The following DST variants were observed in gnomAD, a reference collection of about 807,000 sequenced individuals.
DST encodes dystonin.
A neutral mutation model predicts 875.2 loss-of-function variants in DST; 253 were observed. That is an observed-to-expected ratio of 0.29 (90% CI 0.26 to 0.32). DST has a LOEUF of 0.32. DST is among the 10% of genes least tolerant of loss of function. The pLI is 1.00. For missense variants in DST, 8,287 were observed against 9,111.6 expected (o/e 0.91, Z 3.68); for synonymous variants, 3,124 against 3,197.1 (o/e 0.98, Z 0.77).
chr6:56,721,160 T>C (rs2099414679), intron 5 of DST, among the ~76,000 whole-genome samples: 1 of 138,280 alleles, frequency 7.2e-6, no homozygotes, highest in South Asian at 2.2e-4. Flanking sequence ...CCCCCCCACC[T>C]CCCAGATGGG....
intron 4 of DST, among the ~76,000 whole-genome samples, chr6:56,808,005 AC>A (rs2099755210): frequency 6.6e-6 from 1 of 152,184 alleles, no homozygotes; most frequent in Non-Finnish European, 1.5e-5. Context: ...CTTCTATCCA[AC>A]ATGAATGTCC....
intron 50 of DST, 149 bp downstream of exon 50, chr6:56,578,665 C>T: frequency 2.7e-6 from 2 of 729,790 alleles, no homozygotes; most frequent in Non-Finnish European, 4.3e-6. Flanking sequence ...AGAAGGCATG[C>T]CTTTTCCCAG....
At position 56,606,061 on chromosome 6, in the gene DST, GTATTAA is replaced by G. The variant is rs1272990319; in HGVS notation, c.8561_8566del (p.Ile2854_Asn2855del). On this transcript the variant is annotated inframe_deletion, in exon 40 of 104. Coordinates refer to ENST00000680361, the MANE Select transcript of DST (RefSeq NM_001374736.1). ...GTGCATTTTATCCAGAAGAATCATT[GTATTAA>G]TATTTTCATTTTCATCACTGTTTTC... 1 of 1,612,836 alleles carries G rather than the reference GTATTAA, an allele frequency of 6.2e-7. No homozygotes were observed. The highest frequency in any genetic ancestry group is 8.5e-7 in the Non-Finnish European group (1 of 1,179,180).
Position 56,651,131 on chromosome 6 carries a change from C to T in DST, c.1327+1G>A. 1 of 1,608,136 alleles carries T rather than the reference C, an allele frequency of 6.2e-7. No individual in the cohort carries two copies. The highest frequency in any genetic ancestry group is 8.5e-7 in the Non-Finnish European group (1 of 1,175,534). ...CACATATAATCAAGAAAATAACTCA[C>T]CTTCAGGGTCCAGAAGTCTTATAAC... is the stretch of plus-strand genomic sequence containing the variant. On this transcript the variant is annotated splice_donor_variant, in intron 11 of 103. Coordinates refer to ENST00000680361, the MANE Select transcript of DST (RefSeq NM_001374736.1). LOFTEE classifies it high-confidence loss of function.
intron 2 of DST, among the ~76,000 whole-genome samples, chr6:56,928,543 C>G (rs552324791): frequency 2.6e-5 from 4 of 152,308 alleles, no homozygotes; most frequent in Admixed American, 1.3e-4. Context: ...GGTACTCACT[C>G]TTATTTCTAT....
At position 56,506,804 on chromosome 6, in the gene DST, T is replaced by C. The variant is rs375493704; in HGVS notation, c.19240-15A>G. 1.7e-4 allele frequency: 276 copies of C among 1,600,750 alleles called. No homozygotes were observed. Among genetic ancestry groups the C allele is most frequent in the Non-Finnish European group, 2.3e-4 (268 of 1,174,780 alleles). On this transcript the variant is annotated splice_polypyrimidine_tract_variant and intron_variant, in intron 75 of 103. Coordinates refer to ENST00000680361, the MANE Select transcript of DST (RefSeq NM_001374736.1). The stretch of plus-strand genomic sequence containing the variant: ...TCCCTTATGGTCTAGAATAAGAAAA[T>C]GACAGCCTTAGAATTTTAAGCAAAA...
chr6:56,703,725 T>G lies in DST; in HGVS notation c.799A>C (p.Lys267Gln). Residue 267 changes from lysine (K) to glutamine (Q), a missense_variant, in exon 7 of 104, where the codon AAG becomes CAG. Physicochemically the swap from Lys to Gln is moderately conservative, Grantham distance 53. This residue lies in a region of DST where 1,160 missense variants were observed against 1,424.3 expected (regional missense o/e 0.81). Transcript: ENST00000680361. Reference protein sequence around the residue: ...DTLPRERDFLKTLRLVSATEA... With the variant: ...DTLPRERDFLQTLRLVSATEA... ...GTTGCACTCACCAATCGTAAGGTCT[T>G]CAAAAAATCTCGCTCCCTTGGCTAA... is the stretch of plus-strand genomic sequence containing the variant. 1.0e-6 allele frequency: 1 copy of G among 985,052 alleles called. No individual in the cohort carries two copies. The highest frequency in any genetic ancestry group is 1.2e-6 in the Non-Finnish European group (1 of 829,716). The allele number at this position is 985,052 out of a possible 1,614,324, so 61.0% of individuals were successfully genotyped here.
At chr6:56,862,953 C>T (rs1772036128) in intron 3 of DST, 1 of 152,194 alleles carries the variant, frequency 6.6e-6, no homozygotes, top group South Asian at 2.1e-4. Context: ...AAGGAGAGCT[C>T]AAGATGATGA....
chr6:56,554,073 CTTTTTT>C (rs555704557), intron 60 of DST, among the ~76,000 whole-genome samples: 1,484 of 80,820 alleles, frequency 0.018, 36 homozygotes, highest in African/African-American at 0.071. Context: ...GCGTCTATGA[CTTTTTT>C]TTTTTTTTTT....
chr6:56,552,844 T>C lies in DST; in HGVS notation c.15948A>G (p.Gln5316=), dbSNP rs777778640. The C allele has an allele frequency of 1.2e-6, 2 of 1,613,442 alleles. No homozygotes were observed. The highest frequency in any genetic ancestry group is 1.1e-5 in the South Asian group (1 of 91,092). ...AGGCCTGAAGTGATTTCTGCTGAGT[T>C]TGCAACATGGTCAGGTATTTGTTAC... The part of the protein sequence containing the change: ...AYSNKYLTML[Q]TQQKSLQALK... Residue 5316 remains glutamine (Q), a synonymous_variant, in exon 61 of 104, where the codon CAA becomes CAG. Transcript: ENST00000680361.
chr6:56,606,117 G>A lies in DST; in HGVS notation c.8511C>T (p.Ile2837=). 1 of 1,612,738 alleles carries A rather than the reference G, an allele frequency of 6.2e-7. No homozygotes were observed. The highest frequency in any genetic ancestry group is 8.5e-7 in the Non-Finnish European group (1 of 1,179,240). Residue 2837 remains isoleucine (I), a synonymous_variant, in exon 40 of 104, where the codon ATC becomes ATT. Coordinates refer to ENST00000680361, the MANE Select transcript of DST (RefSeq NM_001374736.1). ...CATTTAAAATAGAGGCACACAACTGGATATCCATATCTTCAGCCACATTTT... is the reference window on the plus strand; with the variant it reads ...CATTTAAAATAGAGGCACACAACTGAATATCCATATCTTCAGCCACATTTT... ...RCQNVAEDMD[I]QLCASILNEN...
At chr6:56,640,906 T>G (rs1029058278) in intron 17 of DST, among the ~76,000 whole-genome samples, 2 of 152,190 alleles carry the variant, frequency 1.3e-5, no homozygotes, top group Non-Finnish European at 2.9e-5. Flanking sequence ...GCATCATGAT[T>G]TTTTTCAATG....
At chr6:56,723,363 G>A (rs531484944) in intron 5 of DST, among the ~76,000 whole-genome samples, 61 of 152,174 alleles carry the variant, frequency 4.0e-4, no homozygotes, top group African/African-American at 1.2e-3. Context: ...TCAGTGGTTC[G>A]AGACCAGCCT....
At chr6:56,777,449 A>C (rs902823706) in intron 4 of DST, among the ~76,000 whole-genome samples, 1 of 152,082 alleles carries the variant, frequency 6.6e-6, no homozygotes, top group Non-Finnish European at 1.5e-5. Flanking sequence ...GTCACAGGCA[A>C]TGCAGTGTCA....
Position 56,641,947 on chromosome 6 carries a change from C to G in DST, c.2027G>C (p.Arg676Thr), listed in dbSNP as rs2098909884. ...GAGAAAGAATAAGTAGCACTCTTAC[C>G]TCTGTACCAATTGATCTGCCTGGTA... ...KYYQADQLVQ[R>T]VAKLRDEIMA... is the part of the protein sequence containing the mutation. The change falls in exon 17 of 104, where the codon AGG becomes ACG. Residue 676 changes from arginine (R) to threonine (T), a missense_variant and splice_region_variant. Physicochemically the swap from Arg to Thr is moderately conservative, Grantham distance 71. Around this residue, in one of 10 missense-constraint regions of DST, gnomAD observed 1,160 missense variants for 1,424.3 expected, o/e 0.81. Coordinates refer to ENST00000680361, the MANE Select transcript of DST (RefSeq NM_001374736.1). The G allele has an allele frequency of 1.2e-6, 2 of 1,611,254 alleles. No individual in the cohort carries two copies. The highest frequency in any genetic ancestry group is 2.7e-5 in the African/African-American group (2 of 74,836).
intron 4 of DST, among the ~76,000 whole-genome samples, chr6:56,781,891 C>T (rs908560490): frequency 2.6e-5 from 4 of 152,106 alleles, no homozygotes; most frequent in Non-Finnish European, 4.4e-5. Context: ...TTTTGAGATA[C>T]ATCCCATCAA....
chr6:56,634,637 G>A (rs747213975), intron 25 of DST, 21 bp from the exon 26 acceptor site: 9 of 1,613,722 alleles, frequency 5.6e-6, no homozygotes, highest in Non-Finnish European at 6.8e-6. Flanking sequence ...ATAAAGAGCA[G>A]AATAACTCAA....
Position 56,515,593 on chromosome 6 carries a change from G to A in DST, c.18433C>T (p.Arg6145Trp), listed in dbSNP as rs193252082. ...INSERYLQLE[R>W]AQSLVNQFWE... is the part of the protein sequence containing the mutation. ...AATTGGTTAACCAGGGACTGTGCCC[G>A]TTCCAGCTGCAGATACCTTTCTGAA... Residue 6145 changes from arginine to tryptophan, a missense_variant, in exon 72 of 104, where the codon CGG (arginine) becomes TGG (tryptophan). Arg to Trp is a moderately radical substitution (Grantham distance 101). Coordinates refer to ENST00000680361, the MANE Select transcript of DST (RefSeq NM_001374736.1). 1.6e-3 allele frequency: 2,544 copies of A among 1,613,798 alleles called. 2 individuals are homozygous for A. Among genetic ancestry groups the A allele is most frequent in the Non-Finnish European group, 2.0e-3 (2,388 of 1,179,808 alleles).
At chr6:56,932,054 A>G (rs1475097670) in intron 2 of DST, among the ~76,000 whole-genome samples, 6 of 152,106 alleles carry the variant, frequency 3.9e-5, no homozygotes, top group Non-Finnish European at 7.4e-5. Context: ...GCTGAATGAT[A>G]TGGTTTGGCT....
Sources: gnomAD v4.1 joint callset for allele counts (sites outside exome capture counted in the v4.1 genomes callset) on GRCh38, gnomAD v4.1.1 for gene constraint, gnomAD v4.1.1 regional missense constraint, MANE v1.5 for transcripts, NCBI Gene and HGNC (gene_info 2026-07-23, HGNC 2026-07-21) for gene names.